Variants in SPSB1 observed in about 807,000 individuals in gnomAD.
SPSB1 encodes splA/ryanodine receptor domain and SOCS box containing 1.
In SPSB1, 8 loss-of-function variants were observed where a neutral mutation model predicts 21.2. That is an observed-to-expected ratio of 0.38 (90% CI 0.22 to 0.68). The LOEUF (loss-of-function observed/expected upper bound fraction) is 0.68, where lower values mean the gene tolerates loss of function less well. Ranked by LOEUF, SPSB1 falls within the 30% of genes least tolerant of loss-of-function variation. The pLI, the probability that SPSB1 is intolerant of heterozygous loss-of-function variation, is 0.53. For synonymous variants in SPSB1, 169 were observed against 161.7 expected (o/e 1.05, Z -0.34); for missense variants, 242 against 377.8 (o/e 0.64, Z 2.98).
chr1:9,298,759 T>G (rs1397069511), intron 1 of SPSB1, among the ~76,000 whole-genome samples: 1 of 152,162 alleles, frequency 6.6e-6, no homozygotes, highest in Non-Finnish European at 1.5e-5. Flanking sequence ...TCCTGGTGGC[T>G]CCCGTGGATC....
intron 2 of SPSB1, among the ~76,000 whole-genome samples, chr1:9,357,510 C>G (rs1048341840): frequency 4.6e-5 from 7 of 152,290 alleles, no homozygotes; most frequent in African/African-American, 1.7e-4. Context: ...TAGGGCCTCT[C>G]CGGTAAATGA....
intron 1 of SPSB1, among the ~76,000 whole-genome samples, chr1:9,353,553 A>G (rs1432256840): frequency 6.6e-6 from 1 of 152,132 alleles, no homozygotes; most frequent in African/African-American, 2.4e-5. Context: ...CAGCTCTGTA[A>G]TGGCTTTGCA....
chr1:9,363,576 A>C lies in SPSB1; in HGVS notation c.695-3872A>C, dbSNP rs1640511476. On this transcript the variant is annotated intron_variant, in intron 2 of 2. Transcript: ENST00000328089. This position sits in a 1 kb window ranked among gnomAD's most constrained non-coding sequence, Gnocchi z 4.5. ...TTCCCTATCTGTAGGTTGGGGTCAC[A>C]GTCCCCATCAGGCACACGACTGGTG... Among the ~76,000 whole-genome samples the C allele has an allele frequency of 1.3e-5, 2 of 152,126 alleles. No individual in the cohort carries two copies. The highest frequency in any genetic ancestry group is 2.9e-5 in the Non-Finnish European group (2 of 68,018).
intron 1 of SPSB1, among the ~76,000 whole-genome samples, chr1:9,306,561 C>T (rs1156631351): frequency 6.6e-6 from 1 of 152,176 alleles, no homozygotes; most frequent in Admixed American, 6.5e-5. Flanking sequence ...GTAGGTACTA[C>T]CCATTTTACA....
At chr1:9,361,476 G>A (rs71641090) in intron 2 of SPSB1, among the ~76,000 whole-genome samples, 25,149 of 152,130 alleles carry the variant, frequency 0.17, 2,280 homozygotes, top group South Asian at 0.23. Flanking sequence ...GTTTGCCTGC[G>A]TGTGTGCCTT....
intron 2 of SPSB1, among the ~76,000 whole-genome samples, chr1:9,362,179 A>ACACT (rs1640492589): frequency 7.2e-6 from 1 of 138,240 alleles, no homozygotes; most frequent in South Asian, 2.4e-4. Flanking sequence ...AGGGCCACCC[A>ACACT]CCCTCCCTCC....
At position 9,305,485 on chromosome 1, in the gene SPSB1, G is replaced by A. The variant is rs1185930335; in HGVS notation, c.-150+12414G>A. 6.6e-6 allele frequency among the ~76,000 whole-genome samples: 1 copy of A among 152,212 alleles called. No individual in the cohort carries two copies. Among genetic ancestry groups the A allele is most frequent in the African/African-American group, 2.4e-5 (1 of 41,424 alleles). ...TGAGTCCCCAGTAGTTAGGTCCACA[G>A]TAGGTTCTTGGACACCTGTCGGATG... On this transcript the variant is annotated intron_variant, in intron 1 of 2. Transcript: ENST00000328089. This position sits in a 1 kb window ranked among gnomAD's most constrained non-coding sequence, Gnocchi z 4.8.
intron 1 of SPSB1, among the ~76,000 whole-genome samples, chr1:9,306,895 G>A (rs1639420515): frequency 6.6e-6 from 1 of 150,884 alleles, no homozygotes; most frequent in Non-Finnish European, 1.5e-5. Context: ...TGGCTAATTA[G>A]GGTGTCTTTT....
chr1:9,329,518 T>G (rs941442165), intron 1 of SPSB1, among the ~76,000 whole-genome samples: 2 of 151,820 alleles, frequency 1.3e-5, no homozygotes, highest in Non-Finnish European at 2.9e-5. Flanking sequence ...GCCAACACAA[T>G]GAAACCCCGT....
chr1:9,328,751 C>G (rs1025003370), intron 1 of SPSB1, among the ~76,000 whole-genome samples: 1 of 152,234 alleles, frequency 6.6e-6, no homozygotes, highest in African/African-American at 2.4e-5. Context: ...TACCCTGCGT[C>G]TTTTCACCTG....
chr1:9,309,337 T>TGA (rs1639479609), intron 1 of SPSB1, among the ~76,000 whole-genome samples: 3 of 140,026 alleles, frequency 2.1e-5, no homozygotes, highest in African/African-American at 8.1e-5. Context: ...TGTGTGTGAG[T>TGA]GACAGATTCT....
intron 1 of SPSB1, among the ~76,000 whole-genome samples, chr1:9,294,358 G>A (rs559598884): frequency 6.6e-6 from 1 of 152,232 alleles, no homozygotes; most frequent in Admixed American, 6.5e-5. Flanking sequence ...GTGTCTTTGT[G>A]TGTGTTTCTC....
At chr1:9,325,951 C>T (rs1166866710) in intron 1 of SPSB1, among the ~76,000 whole-genome samples, 1 of 151,970 alleles carries the variant, frequency 6.6e-6, no homozygotes, top group East Asian at 1.9e-4. Context: ...AGCCAGAAGA[C>T]CAGTGGGGCA....
intron 1 of SPSB1, among the ~76,000 whole-genome samples, chr1:9,296,183 G>A (rs990608219): frequency 2.6e-5 from 4 of 152,140 alleles, no homozygotes; most frequent in African/African-American, 7.2e-5. Flanking sequence ...ATGGTTTCAC[G>A]GTGCGTGCGA....
chr1:9,326,245 A>G (rs1211696753), intron 1 of SPSB1, among the ~76,000 whole-genome samples: 2 of 151,954 alleles, frequency 1.3e-5, no homozygotes, highest in Non-Finnish European at 2.9e-5. Flanking sequence ...ACCCTTTCCA[A>G]TCTGCGTTTA....
Position 9,341,169 on chromosome 1 carries a change from C to T in SPSB1, c.-149-14574C>T, listed in dbSNP as rs1480074996. The stretch of plus-strand genomic sequence containing the variant: ...CACACCCCAGATCCAAGTTGCTTTT[C>T]TGAGAAACTTCCCGCAGTACTTAGG... On this transcript the variant is annotated intron_variant, in intron 1 of 2. Coordinates refer to ENST00000328089, the MANE Select transcript of SPSB1 (RefSeq NM_025106.4). Among the ~76,000 whole-genome samples, 4 of 152,234 alleles carry T rather than the reference C, an allele frequency of 2.6e-5. No individual in the cohort carries two copies. In the East Asian group the frequency reaches 7.7e-4, roughly 29 times the overall value.
At chr1:9,359,870 GC>G (rs1256302170) in intron 2 of SPSB1, among the ~76,000 whole-genome samples, 1 of 151,280 alleles carries the variant, frequency 6.6e-6, no homozygotes, top group Non-Finnish European at 1.5e-5. Flanking sequence ...GGCGGGGGCG[GC>G]CCGGTTCCGG....
intron 1 of SPSB1, chr1:9,339,271 G>T: frequency 1.0e-6 from 1 of 985,418 alleles, no homozygotes; most frequent in East Asian, 1.1e-4. Flanking sequence ...CCCCCGGTAG[G>T]TATCTGGGAC....
chr1:9,332,669 A>G (rs11121371), intron 1 of SPSB1, among the ~76,000 whole-genome samples: 42,043 of 152,132 alleles, frequency 0.28, 8,225 homozygotes, highest in African/African-American at 0.56. Context: ...GGAGGAGCTG[A>G]GACAGAACCT....
Sources: gnomAD v4.1 joint callset for allele counts (sites outside exome capture counted in the v4.1 genomes callset) on GRCh38, gnomAD v4.1.1 for gene constraint, Gnocchi (gnomAD v3.1) non-coding constraint, MANE v1.5 for transcripts, NCBI Gene and HGNC (gene_info 2026-07-23, HGNC 2026-07-21) for gene names.